ASF1B: variants seen among roughly 807,000 people sequenced by gnomAD.
ASF1B encodes the protein histone chaperone ASF1B.
A neutral mutation model predicts 16.6 loss-of-function variants in ASF1B; 10 were observed. That is an observed-to-expected ratio of 0.60 (90% CI 0.37 to 1.02). ASF1B has a LOEUF of 1.02. ASF1B is among the 50% of genes least tolerant of loss of function. ASF1B has a pLI of 0.01. For missense variants in ASF1B, 240 were observed against 266.0 expected (o/e 0.90, Z 0.68); for synonymous variants, 101 against 106.2 (o/e 0.95, Z 0.30).
chr19:14,131,288 G>A (rs900647822), intron 1 of ASF1B, among the ~76,000 whole-genome samples: 1 of 150,566 alleles, frequency 6.6e-6, no homozygotes, highest in African/African-American at 2.4e-5. Flanking sequence ...GGGTTCTAGC[G>A]ATTCTTCTGC....
At chr19:14,121,323 A>G (rs888821300) in intron 3 of ASF1B, 8 of 418,372 alleles carry the variant, frequency 1.9e-5, no homozygotes, top group Admixed American at 4.8e-5. Context: ...GGGTCTCACT[A>G]TGTTGCCCAG....
chr19:14,133,797 ATTTTT>A (rs34122923), intron 1 of ASF1B, among the ~76,000 whole-genome samples: 2 of 98,856 alleles, frequency 2.0e-5, no homozygotes, highest in East Asian at 3.0e-4. Flanking sequence ...CCGCACAACC[ATTTTT>A]TTTTTTTTTT....
chr19:14,133,955 C>T (rs1967447068), intron 1 of ASF1B, among the ~76,000 whole-genome samples: 2 of 151,790 alleles, frequency 1.3e-5, no homozygotes, highest in Admixed American at 6.6e-5. Context: ...AGGCGCCCGC[C>T]ACCACGCCCG....
chr19:14,132,639 G>A (rs902244866), intron 1 of ASF1B, among the ~76,000 whole-genome samples: 1 of 152,156 alleles, frequency 6.6e-6, no homozygotes, highest in Non-Finnish European at 1.5e-5. Flanking sequence ...CCAACATGGT[G>A]AAACCTCGTC....
At chr19:14,126,050 CTG>C in intron 2 of ASF1B, 70 bp downstream of exon 2, 2 of 1,251,896 alleles carry the variant, frequency 1.6e-6, no homozygotes, top group Non-Finnish European at 2.2e-6. Context: ...CTGAAGCACT[CTG>C]TGGGATTTCA....
chr19:14,129,281 T>C (rs1193665604), intron 1 of ASF1B, among the ~76,000 whole-genome samples: 1 of 151,730 alleles, frequency 6.6e-6, no homozygotes, highest in Non-Finnish European at 1.5e-5. Context: ...AAAAATGTAC[T>C]GTGTTGACTG....
At chr19:14,126,952 C>G (rs1239793709) in intron 1 of ASF1B, among the ~76,000 whole-genome samples, 1 of 152,118 alleles carries the variant, frequency 6.6e-6, no homozygotes, top group Non-Finnish European at 1.5e-5. Flanking sequence ...GAGACAGTCT[C>G]CCTCTGTTGC....
At chr19:14,123,147 G>A (rs1255775898) in intron 2 of ASF1B, among the ~76,000 whole-genome samples, 2 of 152,212 alleles carry the variant, frequency 1.3e-5, no homozygotes, top group Non-Finnish European at 2.9e-5. Context: ...CGCACCAAGT[G>A]TGGGGTCCTG....
chr19:14,120,699 G>A (rs776750266), intron 3 of ASF1B, 34 bp from the exon 4 acceptor site: 3 of 1,605,542 alleles, frequency 1.9e-6, no homozygotes, highest in African/African-American at 1.3e-5. Context: ...ACCCTTGTAG[G>A]TACGCCCTCT....
intron 1 of ASF1B, among the ~76,000 whole-genome samples, chr19:14,130,022 A>G (rs1046706268): frequency 2.0e-5 from 3 of 150,710 alleles, no homozygotes; most frequent in African/African-American, 4.9e-5. Context: ...AATATAAAAA[A>G]TTAGCTGGGC....
At chr19:14,120,707 T>C in intron 3 of ASF1B, 42 bp from the exon 4 acceptor site, 1 of 1,596,606 alleles carries the variant, frequency 6.3e-7, no homozygotes, top group Non-Finnish European at 8.6e-7. Context: ...AGGTACGCCC[T>C]CTCCTTGGTC....
intron 3 of ASF1B, chr19:14,121,295 TTGC>T: frequency 9.4e-6 from 4 of 425,162 alleles, no homozygotes; most frequent in South Asian, 6.8e-5. Flanking sequence ...TTTTTTTTTT[TTGC>T]GGGGGTTAGG....
chr19:14,136,288 C>G, intron 1 of ASF1B, 60 bp downstream of exon 1: 2 of 1,490,616 alleles, frequency 1.3e-6, no homozygotes, highest in Non-Finnish European at 1.8e-6. Context: ...GGGAGCGGTT[C>G]TCTGAGGGGA....
At chr19:14,131,876 C>T (rs1967410704) in intron 1 of ASF1B, among the ~76,000 whole-genome samples, 1 of 152,166 alleles carries the variant, frequency 6.6e-6, no homozygotes, top group Non-Finnish European at 1.5e-5. Flanking sequence ...GAACATCTGG[C>T]TTCTATGACT....
chr19:14,120,655 T>C lies in ASF1B; in HGVS notation c.413A>G (p.Asn138Ser). The C allele has an allele frequency of 6.2e-7, 1 of 1,614,072 alleles. No homozygotes were observed. Among genetic ancestry groups the C allele is most frequent in the Non-Finnish European group, 8.5e-7 (1 of 1,179,992 alleles). ...MKPDFSQLQR[N>S]ILASNPRVTR... ...CACCCGGGGGTTCGAGGCCAAGATG[T>C]TCCGCTGGAGCTGGGGCAGGAAGAG... is the stretch of plus-strand genomic sequence containing the variant. Residue 138 changes from asparagine to serine, a missense_variant, in exon 4 of 4, where the codon AAC becomes AGC. By Grantham distance (46) the Asn-to-Ser change is conservative. Coordinates refer to ENST00000263382, the MANE Select transcript of ASF1B (RefSeq NM_018154.3).
At chr19:14,123,733 G>T (rs921290019) in intron 2 of ASF1B, among the ~76,000 whole-genome samples, 31 of 151,560 alleles carry the variant, frequency 2.0e-4, no homozygotes, top group African/African-American at 7.5e-4. Flanking sequence ...GAGTGCAGTG[G>T]TGCAATCACA....
intron 1 of ASF1B, among the ~76,000 whole-genome samples, chr19:14,136,142 G>A (rs1339653335): frequency 2.0e-5 from 3 of 150,992 alleles, no homozygotes; most frequent in Admixed American, 2.0e-4. Context: ...CAGTGGGGGA[G>A]GAGGTCACGG....
Position 14,125,672 on chromosome 19 carries a change from C to T in ASF1B, c.225+450G>A, listed in dbSNP as rs549923169. The stretch of plus-strand genomic sequence containing the variant: ...GGCTCAAGTGATCCTCCCATTTCAG[C>T]CTCCCAAGTATCTGAGACTACAGGC... On this transcript the variant is annotated intron_variant, in intron 2 of 3. Coordinates refer to ENST00000263382, the MANE Select transcript of ASF1B (RefSeq NM_018154.3). Among the ~76,000 whole-genome samples, 66 of 152,116 alleles carry T rather than the reference C, an allele frequency of 4.3e-4. 1 individual carries two copies. The South Asian group carries it at 0.011, about 25-fold the overall frequency.
intron 1 of ASF1B, among the ~76,000 whole-genome samples, chr19:14,135,244 A>G (rs954697536): frequency 8.0e-5 from 12 of 150,758 alleles, no homozygotes; most frequent in Admixed American, 2.0e-4. Context: ...AAAAAAAAGA[A>G]GAGGAAGAAG....
Sources: gnomAD v4.1 joint callset for allele counts (sites outside exome capture counted in the v4.1 genomes callset) on GRCh38, gnomAD v4.1.1 for gene constraint, MANE v1.5 for transcripts, NCBI Gene and HGNC (gene_info 2026-07-23, HGNC 2026-07-21) for gene names.